Variants in SLIT1 observed in about 807,000 individuals in gnomAD.
SLIT1 encodes the protein slit guidance ligand 1.
A neutral mutation model predicts 186.1 loss-of-function variants in SLIT1; 66 were observed. The ratio of observed to expected loss-of-function variants is 0.35; its 90% confidence interval spans 0.29 to 0.44. The LOEUF (loss-of-function observed/expected upper bound fraction) is 0.44. Ranked by LOEUF, SLIT1 falls within the 20% of genes least tolerant of loss-of-function variation. The pLI, the probability that SLIT1 is intolerant of heterozygous loss-of-function variation, is 1.00. For synonymous variants in SLIT1, 761 were observed against 833.8 expected (o/e 0.91, Z 1.50); for missense variants, 1,638 against 2,037.4 (o/e 0.80, Z 3.77).
chr10:97,046,484 G>T (rs1251268177), intron 18 of SLIT1, among the ~76,000 whole-genome samples, 170 bp downstream of exon 18: 1 of 152,238 alleles, frequency 6.6e-6, no homozygotes, highest in Non-Finnish European at 1.5e-5. Flanking sequence ...TCTCACCATA[G>T]AGTTGCCAAC....
rs116618033 is a variant in SLIT1 at position 97,022,821 on chromosome 10, C to T, written c.2583-1408G>A. ...GGCGTGTAGCCTTCCAGGCCTTTCC[C>T]ACACGTACACACGTGGTTCCTCCTT... On this transcript the variant is annotated intron_variant, in intron 25 of 36. Transcript: ENST00000266058. This position sits in a 1 kb window ranked among gnomAD's most constrained non-coding sequence, Gnocchi z 4.2. Among the ~76,000 whole-genome samples, 214 of 152,366 alleles carry T rather than the reference C, an allele frequency of 1.4e-3. No individual in the cohort carries two copies. Among genetic ancestry groups the T allele is most frequent in the African/African-American group, 5.0e-3 (208 of 41,590 alleles).
chr10:97,123,464 T>C (rs184966171), intron 4 of SLIT1, among the ~76,000 whole-genome samples: 166 of 152,148 alleles, frequency 1.1e-3, no homozygotes, highest in African/African-American at 3.9e-3. Context: ...TCAAACAATT[T>C]CAGAACAAGC....
chr10:97,169,225 C>T (rs1850156147), intron 1 of SLIT1, among the ~76,000 whole-genome samples: 1 of 152,230 alleles, frequency 6.6e-6, no homozygotes, highest in African/African-American at 2.4e-5. Flanking sequence ...CTGCCGCCAT[C>T]AGCCTTGCTC....
chr10:97,015,597 C>T (rs1364997501), intron 28 of SLIT1, among the ~76,000 whole-genome samples: 1 of 152,176 alleles, frequency 6.6e-6, no homozygotes, highest in African/African-American at 2.4e-5. Context: ...GCAACATTCA[C>T]CCATAAACCA....
At chr10:97,019,147 G>C in intron 26 of SLIT1, 40 bp from the exon 27 acceptor site, 1 of 1,261,030 alleles carries the variant, frequency 7.9e-7, no homozygotes, top group Non-Finnish European at 1.2e-6. Flanking sequence ...GGGAGGGGTG[G>C]GCAGCACAGG....
rs536356866 is a variant in SLIT1 at position 97,060,157 on chromosome 10, G to A, written c.943C>T (p.Arg315Cys). ...ANLPETMTEI[R>C]LELNGIKSIP... ...GACTTGATGCCGTTCAGCTCCAGGC[G>A]TCTGCGGGGAGAAAAGAGAGGGGAA... Residue 315 changes from arginine (R) to cysteine (C), a missense_variant and splice_region_variant, in exon 10 of 37, where the codon CGC becomes TGC. Physicochemically the swap from Arg to Cys is radical, Grantham distance 180. Transcript: ENST00000266058. The A allele has an allele frequency of 7.4e-6, 12 of 1,613,806 alleles. No homozygotes were observed. The highest frequency in any genetic ancestry group is 3.3e-5 in the South Asian group (3 of 91,076).
chr10:97,013,682 A>T, intron 30 of SLIT1, 59 bp downstream of exon 30: 20 of 1,245,742 alleles, frequency 1.6e-5, no homozygotes, highest in Non-Finnish European at 2.2e-5. Context: ...CCAGACTGGA[A>T]TCCAGTCTGA....
intron 4 of SLIT1, among the ~76,000 whole-genome samples, chr10:97,073,426 G>A (rs1019059945): frequency 2.0e-5 from 3 of 152,188 alleles, no homozygotes; most frequent in South Asian, 2.1e-4. Flanking sequence ...CGGGATCTGC[G>A]ACTGGAAGGA....
At chr10:97,078,991 G>A (rs879633984) in intron 4 of SLIT1, among the ~76,000 whole-genome samples, 4 of 152,318 alleles carry the variant, frequency 2.6e-5, no homozygotes, top group Middle Eastern at 3.4e-3. Flanking sequence ...GGGAGGTGGT[G>A]CAGGAGGACA....
intron 4 of SLIT1, among the ~76,000 whole-genome samples, chr10:97,092,075 G>A (rs1849238102): frequency 6.6e-6 from 1 of 152,222 alleles, no homozygotes; most frequent in South Asian, 2.1e-4. Context: ...AGAAAGACTA[G>A]CACGCAGTGA....
At chr10:97,159,561 AG>A (rs1239199008) in intron 3 of SLIT1, among the ~76,000 whole-genome samples, 1 of 152,176 alleles carries the variant, frequency 6.6e-6, no homozygotes, top group East Asian at 1.9e-4. Flanking sequence ...AAAATTATTT[AG>A]GAGGAAAAAG....
intron 6 of SLIT1, 67 bp from the exon 7 acceptor site, chr10:97,064,306 C>T (rs1433653694): frequency 7.5e-7 from 1 of 1,338,914 alleles, no homozygotes; most frequent in African/African-American, 1.4e-5. Flanking sequence ...CAGGGCCGCC[C>T]TGCTAACGAA....
intron 5 of SLIT1, chr10:97,065,773 G>A: frequency 2.1e-6 from 1 of 475,568 alleles, no homozygotes; most frequent in South Asian, 2.6e-5. Context: ...CGCTTCACCA[G>A]GTCCCCAAGG....
chr10:97,090,155 T>C (rs1849214983), intron 4 of SLIT1, among the ~76,000 whole-genome samples: 1 of 152,080 alleles, frequency 6.6e-6, no homozygotes, highest in Non-Finnish European at 1.5e-5. Flanking sequence ...TCCATCCCAG[T>C]GGGGGAGCCA....
At chr10:97,155,155 A>C (rs1050378173) in intron 4 of SLIT1, 3 of 152,282 alleles carry the variant, frequency 2.0e-5, no homozygotes, top group Non-Finnish European at 2.9e-5. Context: ...TTACATGCAC[A>C]GTCCCAGTTC....
chr10:96,998,322 A>AAGAG lies in SLIT1; in HGVS notation c.*2786_*2789dup, dbSNP rs1364781890. 6.6e-6 allele frequency: 1 copy of AAGAG among 152,244 alleles called. No homozygotes were observed. Among genetic ancestry groups the AAGAG allele is most frequent in the Non-Finnish European group, 1.5e-5 (1 of 68,042 alleles). 9.4% of individuals were successfully genotyped at this position (152,244 alleles called of 1,614,324 possible). ...TTAGAATCTGTAAGTATTCTGTATA[A>AAGAG]AGAGATACTTTTGCGGTTAGGCTAC... On this transcript the variant is annotated 3_prime_UTR_variant, in exon 37 of 37. Transcript: ENST00000266058.
intron 1 of SLIT1, among the ~76,000 whole-genome samples, chr10:97,177,804 C>T (rs1369063514): frequency 2.6e-5 from 4 of 152,078 alleles, no homozygotes; most frequent in Admixed American, 6.6e-5. Context: ...GGTGAAACCT[C>T]GTCTCTATTA....
At chr10:97,088,467 G>A (rs1339083074) in intron 4 of SLIT1, among the ~76,000 whole-genome samples, 3 of 152,194 alleles carry the variant, frequency 2.0e-5, no homozygotes, top group Non-Finnish European at 4.4e-5. Flanking sequence ...TTCTGGCTTA[G>A]GCTAGTCTAT....
Position 97,006,337 on chromosome 10 carries a change from T to A in SLIT1, c.3579+146A>T. ...GCTTAAACTAGTTCAAGCTGAGATT[T>A]TGATACCCATATGCAAAACGTTTTG... On this transcript the variant is annotated intron_variant, in intron 32 of 36. Transcript: ENST00000266058. This position sits in a 1 kb window ranked among gnomAD's most constrained non-coding sequence, Gnocchi z 4.0. The A allele has an allele frequency of 1.6e-6, 1 of 622,970 alleles. No homozygotes were observed. The highest frequency in any genetic ancestry group is 2.9e-6 in the Non-Finnish European group (1 of 347,822). The allele number at this position is 622,970 out of a possible 1,614,324, so 38.6% of individuals were successfully genotyped here.
Sources: allele counts gnomAD v4.1 joint callset (sites outside exome capture counted in the v4.1 genomes callset), GRCh38; gene constraint gnomAD v4.1.1; non-coding constraint Gnocchi (gnomAD v3.1); transcripts MANE v1.5; gene names NCBI Gene and HGNC (gene_info 2026-07-23, HGNC 2026-07-21).